RAPGEF2: variants seen among roughly 807,000 people sequenced by gnomAD.
RAPGEF2 encodes PDZ domain containing guanine nucleotide exchange factor (GEF) 1.
In RAPGEF2, 54 loss-of-function variants were observed where a neutral mutation model predicts 186.7. The observed-to-expected ratio is 0.29, with a 90% confidence interval of 0.23 to 0.36. The LOEUF is 0.36. RAPGEF2 is among the 10% of genes least tolerant of loss of function. RAPGEF2 has a pLI of 1.00. For synonymous variants in RAPGEF2, 712 were observed against 705.9 expected (o/e 1.01, Z -0.14); for missense variants, 1,532 against 2,045.0 (o/e 0.75, Z 4.84).
At chr4:159,347,677 G>T (rs1465581759) in intron 25 of RAPGEF2, among the ~76,000 whole-genome samples, 2 of 152,118 alleles carry the variant, frequency 1.3e-5, no homozygotes, top group African/African-American at 4.8e-5. Context: ...CCAGCTACTC[G>T]GGAGGCCGAG....
intron 1 of RAPGEF2, among the ~76,000 whole-genome samples, chr4:159,184,026 A>T (rs1434913370): frequency 6.6e-6 from 1 of 152,178 alleles, no homozygotes; most frequent in Non-Finnish European, 1.5e-5. Context: ...TTTGCTGAGA[A>T]TGATGGTTTC....
chr4:159,356,937 G>C (rs555362998), intron 29 of RAPGEF2, among the ~76,000 whole-genome samples: 1 of 152,176 alleles, frequency 6.6e-6, no homozygotes, highest in African/African-American at 2.4e-5. Flanking sequence ...TCACAAGTTT[G>C]TGCTGTTGTC....
chr4:159,114,506 G>A (rs1017031302), intron 1 of RAPGEF2, among the ~76,000 whole-genome samples: 2 of 152,060 alleles, frequency 1.3e-5, no homozygotes, highest in Non-Finnish European at 2.9e-5. Context: ...CAAAGTGCTG[G>A]GATTATAGGT....
chr4:159,281,552 C>T (rs377093443), intron 7 of RAPGEF2, among the ~76,000 whole-genome samples: 19 of 150,668 alleles, frequency 1.3e-4, no homozygotes, highest in African/African-American at 4.4e-4. Flanking sequence ...GTGCCTGTAA[C>T]CCCAGCTACT....
intron 1 of RAPGEF2, among the ~76,000 whole-genome samples, chr4:159,104,586 G>A (rs1737663760): frequency 6.6e-6 from 1 of 151,304 alleles, no homozygotes; most frequent in Non-Finnish European, 1.5e-5. Context: ...GTGTGAATGT[G>A]TGAATTCTCT....
chr4:159,259,724 A>G (rs906965709), intron 7 of RAPGEF2, among the ~76,000 whole-genome samples: 19 of 152,172 alleles, frequency 1.2e-4, no homozygotes, highest in Non-Finnish European at 2.5e-4. Context: ...GAGGTGAAAA[A>G]AATACCACTC....
intron 7 of RAPGEF2, among the ~76,000 whole-genome samples, chr4:159,262,817 C>A (rs1213982194): frequency 1.4e-5 from 2 of 143,142 alleles, no homozygotes; most frequent in East Asian, 3.9e-4. Context: ...AACAGTTTGC[C>A]GTCAGAAACT....
At position 159,270,686 on chromosome 4, in the gene RAPGEF2, A is replaced by G. The variant is rs116665719; in HGVS notation, c.543+26895A>G. Among the ~76,000 whole-genome samples the G allele has an allele frequency of 8.3e-3, 1,261 of 152,304 alleles. 15 individuals carry two copies. The highest frequency in any genetic ancestry group is 0.028 in the African/African-American group (1,178 of 41,568). On this transcript the variant is annotated intron_variant, in intron 7 of 29. Coordinates refer to ENST00000691494, the MANE Select transcript of RAPGEF2 (RefSeq NM_001394067.2). ...TGCATACCTCAGTTGCCGGCACATA[A>G]TAGACGTACGATAAATACCATTGAA...
intron 1 of RAPGEF2, among the ~76,000 whole-genome samples, chr4:159,151,146 T>G (rs566819800): frequency 6.6e-6 from 1 of 152,378 alleles, no homozygotes; most frequent in Admixed American, 6.5e-5. Flanking sequence ...AATGTTGGTT[T>G]CAAAGTTAGA....
chr4:159,176,613 A>G (rs1746475097), intron 1 of RAPGEF2, among the ~76,000 whole-genome samples: 1 of 152,184 alleles, frequency 6.6e-6, no homozygotes, highest in African/African-American at 2.4e-5. Context: ...GGAAGAAAAT[A>G]TATACAAAAT....
At chr4:159,334,001 TC>T (rs1010687714) in intron 17 of RAPGEF2, among the ~76,000 whole-genome samples, 1 of 152,202 alleles carries the variant, frequency 6.6e-6, no homozygotes, top group Non-Finnish European at 1.5e-5. Context: ...GGTTGAGTTG[TC>T]CCAATTAAAC....
At chr4:159,119,379 T>G (rs1579230580) in intron 1 of RAPGEF2, among the ~76,000 whole-genome samples, 1 of 152,212 alleles carries the variant, frequency 6.6e-6, no homozygotes, top group African/African-American at 2.4e-5. Context: ...AGATACTTAT[T>G]GGCTAAGGCT....
intron 17 of RAPGEF2, among the ~76,000 whole-genome samples, chr4:159,336,420 G>A (rs577401413): frequency 6.6e-6 from 1 of 152,234 alleles, no homozygotes; most frequent in East Asian, 1.9e-4. Context: ...TGAGAACATA[G>A]GGATTTTGGT....
At position 159,346,712 on chromosome 4, in the gene RAPGEF2, A is replaced by G. The variant is rs529772126; in HGVS notation, c.3503-77A>G. On this transcript the variant is annotated intron_variant, in intron 24 of 29. Transcript: ENST00000691494. ...TTCTAACTGCAGAAAATGCTCACAC[A>G]GTTCTAGAATTATCTTCTACATACC... is the stretch of plus-strand genomic sequence containing the variant. 13 of 1,213,288 alleles carry G rather than the reference A, an allele frequency of 1.1e-5. No individual in the cohort carries two copies. The South Asian group carries it at 1.8e-4, about 17-fold the overall frequency. 75.2% of individuals were successfully genotyped at this position (1,213,288 alleles called of 1,614,324 possible). A position where few individuals can be genotyped will look rare whatever the true frequency, so the allele number is the denominator to read the frequency against.
chr4:159,192,869 C>A (rs953119271), intron 2 of RAPGEF2, among the ~76,000 whole-genome samples: 1 of 152,128 alleles, frequency 6.6e-6, no homozygotes, highest in Non-Finnish European at 1.5e-5. Flanking sequence ...TAGGTTCCTT[C>A]TCAGTTTTTA....
At chr4:159,332,809 T>TTTTG in intron 17 of RAPGEF2, 112 bp downstream of exon 17, 1 of 1,294,340 alleles carries the variant, frequency 7.7e-7, no homozygotes, top group Non-Finnish European at 1.0e-6. Context: ...TAGGTTTTTA[T>TTTTG]GACTGAGCTA....
chr4:159,104,882 G>A (rs1435481731), intron 1 of RAPGEF2, among the ~76,000 whole-genome samples: 1 of 152,218 alleles, frequency 6.6e-6, no homozygotes, highest in East Asian at 1.9e-4. Flanking sequence ...GGGAAAAAAA[G>A]TTGAATAGCT....
At chr4:159,108,381 T>A (rs1018515266) in intron 1 of RAPGEF2, among the ~76,000 whole-genome samples, 2 of 146,944 alleles carry the variant, frequency 1.4e-5, no homozygotes, top group Admixed American at 6.9e-5. Context: ...TCACAGAACT[T>A]TCTTTTTTTT....
intron 4 of RAPGEF2, among the ~76,000 whole-genome samples, chr4:159,216,344 C>A (rs1441069502): frequency 6.6e-6 from 1 of 152,062 alleles, no homozygotes; most frequent in Non-Finnish European, 1.5e-5. Flanking sequence ...ATACAGAATG[C>A]AAAATCATTT....
Sources: gnomAD v4.1 joint callset for allele counts (sites outside exome capture counted in the v4.1 genomes callset) on GRCh38, gnomAD v4.1.1 for gene constraint, MANE v1.5 for transcripts, NCBI Gene and HGNC (gene_info 2026-07-23, HGNC 2026-07-21) for gene names.